NCOA1: variants seen among roughly 807,000 people sequenced by gnomAD.
NCOA1 encodes Hin-2 protein.
A neutral mutation model predicts 150.9 loss-of-function variants in NCOA1; 35 were observed. The ratio of observed to expected loss-of-function variants is 0.23; its 90% confidence interval spans 0.18 to 0.31. The LOEUF (loss-of-function observed/expected upper bound fraction) is 0.31. Among genes scored for constraint, NCOA1 ranks in the 10% least tolerant of loss-of-function variants. NCOA1 has a pLI of 1.00. For synonymous variants in NCOA1, 590 were observed against 630.0 expected (o/e 0.94, Z 0.95); for missense variants, 1,491 against 1,749.3 (o/e 0.85, Z 2.63).
intron 4 of NCOA1, among the ~76,000 whole-genome samples, chr2:24,649,775 T>C (rs886276100): frequency 4.7e-5 from 2 of 42,306 alleles, no homozygotes; most frequent in Non-Finnish European, 8.2e-5. Context: ...TTCAAACTTA[T>C]TTGTATTTAG....
At chr2:24,699,401 G>T (rs1363608576) in intron 11 of NCOA1, among the ~76,000 whole-genome samples, 1 of 152,018 alleles carries the variant, frequency 6.6e-6, no homozygotes, top group Non-Finnish European at 1.5e-5. Flanking sequence ...AACCTTCAAC[G>T]GAATTCCCCA....
intron 1 of NCOA1, among the ~76,000 whole-genome samples, chr2:24,544,208 A>T (rs1665511977): frequency 6.6e-6 from 1 of 152,138 alleles, no homozygotes; most frequent in Non-Finnish European, 1.5e-5. Context: ...CTGGAGGAGA[A>T]GATTAGGGAA....
rs1384273458 is a variant in NCOA1 at position 24,770,491 on chromosome 2, A to G, written c.*2100A>G. ...GTATGTACAGATTAAAATTATTGCT[A>G]CATTTGAGGAAAATAAAATTGCTTG... is the stretch of plus-strand genomic sequence containing the variant. On this transcript the variant is annotated 3_prime_UTR_variant, in exon 23 of 23. Transcript: ENST00000348332. The G allele has an allele frequency of 4.5e-6, 1 of 223,074 alleles. No individual in the cohort carries two copies. The highest frequency in any genetic ancestry group is 2.2e-5 in the African/African-American group (1 of 44,734). The allele number at this position is 223,074 out of a possible 1,614,324, so 13.8% of individuals were successfully genotyped here.
chr2:24,732,165 G>A (rs1663048242), intron 17 of NCOA1, among the ~76,000 whole-genome samples: 1 of 152,122 alleles, frequency 6.6e-6, no homozygotes, highest in South Asian at 2.1e-4. Flanking sequence ...GCTTCCATTT[G>A]CTCCTAAAAC....
At chr2:24,552,525 C>G (rs1413260701) in intron 1 of NCOA1, among the ~76,000 whole-genome samples, 1 of 150,918 alleles carries the variant, frequency 6.6e-6, no homozygotes, top group East Asian at 1.9e-4. Flanking sequence ...GCCACCACAC[C>G]CAGCTAATTT....
chr2:24,501,333 C>A (rs1172492869), intron 1 of NCOA1, among the ~76,000 whole-genome samples: 1 of 151,998 alleles, frequency 6.6e-6, no homozygotes, highest in Non-Finnish European at 1.5e-5. Context: ...TAGAACTAGA[C>A]CTTCAAGTTG....
At position 24,726,608 on chromosome 2, in the gene NCOA1, G is replaced by A. The variant is rs1674635909; in HGVS notation, c.2619G>A (p.Leu873=). The stretch of plus-strand genomic sequence containing the variant: ...AATCAGGATTACCTGAGCTGGAATT[G>A]GAAGCAATTGATAACCAATTTGGAC... The part of the protein sequence containing the change: ...SRLNRLPELE[L]EAIDNQFGQP... Residue 873 remains leucine (L), a synonymous_variant, in exon 15 of 23, where the codon TTG becomes TTA. Transcript: ENST00000348332. The A allele has an allele frequency of 2.5e-6, 4 of 1,608,370 alleles. No homozygotes were observed. The highest frequency in any genetic ancestry group is 2.7e-5 in the African/African-American group (2 of 74,698).
chr2:24,711,761 G>A (rs530654439), intron 14 of NCOA1, among the ~76,000 whole-genome samples: 2 of 152,272 alleles, frequency 1.3e-5, no homozygotes, highest in Admixed American at 1.3e-4. Flanking sequence ...CACTTTGATA[G>A]TTTAATACAT....
intron 21 of NCOA1, among the ~76,000 whole-genome samples, chr2:24,760,362 T>C (rs1466039533): frequency 6.7e-6 from 1 of 150,054 alleles, no homozygotes; most frequent in East Asian, 2.0e-4. Context: ...TTTCACTGTG[T>C]TAGCCAGGAT....
At chr2:24,514,928 C>T (rs1055393807) in intron 1 of NCOA1, among the ~76,000 whole-genome samples, 2 of 152,022 alleles carry the variant, frequency 1.3e-5, no homozygotes, top group African/African-American at 4.8e-5. Flanking sequence ...AATAAAGTTA[C>T]ATTAGTTATC....
intron 1 of NCOA1, among the ~76,000 whole-genome samples, chr2:24,536,580 T>C (rs1034137142): frequency 2.0e-5 from 3 of 152,168 alleles, no homozygotes; most frequent in Non-Finnish European, 4.4e-5. Context: ...CTCCCCATCT[T>C]TGTGGTTTTA....
intron 10 of NCOA1, among the ~76,000 whole-genome samples, chr2:24,696,243 A>G (rs993106699): frequency 2.0e-5 from 3 of 152,194 alleles, no homozygotes; most frequent in African/African-American, 7.2e-5. Context: ...GGTCTAATGA[A>G]TATTTTATTT....
chr2:24,614,035 T>A (rs1392405951), intron 3 of NCOA1, among the ~76,000 whole-genome samples: 1 of 151,952 alleles, frequency 6.6e-6, no homozygotes, highest in Non-Finnish European at 1.5e-5. Flanking sequence ...ATTGTCCTTC[T>A]TGGGCCCTGT....
At chr2:24,712,186 T>C (rs1440753649) in intron 14 of NCOA1, among the ~76,000 whole-genome samples, 1 of 152,232 alleles carries the variant, frequency 6.6e-6, no homozygotes, top group Non-Finnish European at 1.5e-5. Flanking sequence ...TTTTGAACCT[T>C]ATTCTCTTTA....
intron 13 of NCOA1, 58 bp downstream of exon 13, chr2:24,707,946 T>C (rs1673539894): frequency 6.6e-7 from 1 of 1,514,542 alleles, no homozygotes; most frequent in Admixed American, 2.3e-5. Context: ...TTTTCATTTA[T>C]TCTATTCCAT....
At chr2:24,678,627 C>G (rs562114113) in intron 7 of NCOA1, among the ~76,000 whole-genome samples, 36 of 152,294 alleles carry the variant, frequency 2.4e-4, no homozygotes, top group African/African-American at 7.9e-4. Flanking sequence ...ATTTGCATCT[C>G]TCTAATGATC....
At chr2:24,650,952 A>G (rs563640412) in intron 4 of NCOA1, among the ~76,000 whole-genome samples, 8 of 152,224 alleles carry the variant, frequency 5.3e-5, no homozygotes, top group Non-Finnish European at 1.0e-4. Flanking sequence ...TTTGAGTGTT[A>G]TGTTGGCATT....
chr2:24,740,409 G>A (rs1663546232), intron 18 of NCOA1, among the ~76,000 whole-genome samples: 1 of 152,148 alleles, frequency 6.6e-6, no homozygotes, highest in East Asian at 1.9e-4. Flanking sequence ...ATTGCTCCTA[G>A]GCTATAAACC....
chr2:24,540,865 CATAT>C (rs1665364706), intron 1 of NCOA1, among the ~76,000 whole-genome samples: 1 of 152,102 alleles, frequency 6.6e-6, no homozygotes, highest in Non-Finnish European at 1.5e-5. Context: ...ATTAAGAAGA[CATAT>C]GTGTGGGAAT....
Sources: gnomAD v4.1 joint callset for allele counts (sites outside exome capture counted in the v4.1 genomes callset) on GRCh38, gnomAD v4.1.1 for gene constraint, MANE v1.5 for transcripts, NCBI Gene and HGNC (gene_info 2026-07-23, HGNC 2026-07-21) for gene names.